Variants in GTF3C6 observed in about 807,000 individuals in gnomAD.
GTF3C6 encodes general transcription factor 3C polypeptide 6.
GTF3C6 carries 11 observed loss-of-function variants against 19.2 expected under a neutral mutation model. That is an observed-to-expected ratio of 0.57 (90% confidence interval 0.36 to 0.95). GTF3C6 has a LOEUF of 0.95. Among genes scored for constraint, GTF3C6 ranks in the 40% least tolerant of loss-of-function variants. The probability of loss-of-function intolerance (pLI) is 0.01; values close to 1 mark genes in which losing one functional copy is unlikely to be tolerated. For synonymous variants in GTF3C6, 87 were observed against 84.2 expected, an observed-to-expected ratio of 1.03 and a Z score of -0.18; for missense variants, 222 against 254.7, an observed-to-expected ratio of 0.87 and a Z score of 0.87.
rs1562357653 is a variant in GTF3C6 at position 110,959,269 on chromosome 6, T to C, written c.138+17T>C. The C allele has an allele frequency of 7.0e-7, 1 of 1,422,348 alleles. No individual in the cohort carries two copies. Among genetic ancestry groups the C allele is most frequent in the African/African-American group, 1.6e-5 (1 of 61,688 alleles). 88.1% of individuals were successfully genotyped at this position (1,422,348 alleles called of 1,614,324 possible). On this transcript the variant is annotated intron_variant, in intron 2 of 5. Coordinates refer to ENST00000329970, the MANE Select transcript of GTF3C6 (RefSeq NM_138408.4). ...AAGGTTTTGGTGAGTTTTCTAGACT[T>C]GGGGGGATTGTTCTAGAGTGTCTTA...
At chr6:110,958,862 G>A in intron 1 of GTF3C6, 36 bp downstream of exon 1, 1 of 1,541,574 alleles carries the variant, frequency 6.5e-7, no homozygotes, top group Non-Finnish European at 8.8e-7. Flanking sequence ...GCACCGCAGT[G>A]GCGGTGATGC....
intron 5 of GTF3C6, among the ~76,000 whole-genome samples, chr6:110,963,070 GC>G (rs1178010254): frequency 2.0e-5 from 3 of 152,078 alleles, no homozygotes; most frequent in Admixed American, 6.6e-5. Context: ...AGCCACCGGT[GC>G]CTGGCCACGC....
chr6:110,967,420 T>G (rs1771243135), intron 5 of GTF3C6, 90 bp from the exon 6 acceptor site: 2 of 1,154,166 alleles, frequency 1.7e-6, no homozygotes, highest in Non-Finnish European at 2.4e-6. Flanking sequence ...TGACATGTAT[T>G]CATAGGATAG....
chr6:110,963,001 T>A (rs1771184389), intron 5 of GTF3C6, among the ~76,000 whole-genome samples: 1 of 152,016 alleles, frequency 6.6e-6, no homozygotes, highest in Non-Finnish European at 1.5e-5. Flanking sequence ...ATGCTCTCAA[T>A]CTCTTGACGT....
intron 5 of GTF3C6, among the ~76,000 whole-genome samples, chr6:110,963,849 G>A (rs1422459519): frequency 6.6e-6 from 1 of 151,810 alleles, no homozygotes; most frequent in African/African-American, 2.4e-5. Context: ...TTACAGGCAT[G>A]CACCACTAGG....
At position 110,962,521 on chromosome 6, in the gene GTF3C6, C is replaced by T. The variant is rs758471617; in HGVS notation, c.361+16C>T. 1 of 1,360,842 alleles carries T rather than the reference C, an allele frequency of 7.3e-7. No individual in the cohort carries two copies. Among genetic ancestry groups the T allele is most frequent in the Admixed American group, 1.7e-5 (1 of 58,342 alleles). 84.3% of individuals were successfully genotyped at this position (1,360,842 alleles called of 1,614,324 possible). Reference sequence around the variant, plus strand: ...GAAAACATAGGTTAGTTCCATTATTCTCTGAAAACAGGTGATCCAGTACTG... The same window carrying T: ...GAAAACATAGGTTAGTTCCATTATTTTCTGAAAACAGGTGATCCAGTACTG... On this transcript the variant is annotated intron_variant, in intron 5 of 5. Transcript: ENST00000329970.
intron 4 of GTF3C6, among the ~76,000 whole-genome samples, chr6:110,960,825 C>T (rs879867079): frequency 3.0e-4 from 45 of 151,844 alleles, no homozygotes; most frequent in Admixed American, 7.2e-4. Flanking sequence ...CCAAGGCAGG[C>T]AGGTTACTTG....
At chr6:110,959,304 C>A in intron 2 of GTF3C6, 52 bp downstream of exon 2, 1 of 1,108,982 alleles carries the variant, frequency 9.0e-7, no homozygotes, top group South Asian at 1.3e-5. Context: ...AAATGTAAAA[C>A]AAGAATCAAT....
At position 110,958,771 on chromosome 6, in the gene GTF3C6, T is replaced by TGGC. The variant is rs531916846; in HGVS notation, c.14_16dup (p.Ala5dup). The TGGC allele has an allele frequency of 1.1e-3, 1,715 of 1,550,732 alleles. 9 individuals are homozygous for TGGC. Among genetic ancestry groups the TGGC allele is most frequent in the East Asian group, 6.8e-3 (278 of 40,972 alleles). On this transcript the variant is annotated inframe_insertion, in exon 1 of 6. Transcript: ENST00000329970. ...TAGAAGGCGAGGCGCCGCGGGACCA[T>TGGC]GGCGGCGGCGGCGGACGAGCGGAGT...
chr6:110,966,880 C>A (rs777560346), intron 5 of GTF3C6, among the ~76,000 whole-genome samples: 11 of 152,028 alleles, frequency 7.2e-5, no homozygotes, highest in Non-Finnish European at 1.5e-4. Context: ...AATAACCAGG[C>A]GCAGTGGGTC....
Position 110,959,191 on chromosome 6 carries a change from A to T in GTF3C6, c.77A>T (p.Glu26Val). ...EEEEEQLVLV[E>V]LSGIIDSDFL... ...CACCAGGAGCAGTTGGTTCTGGTGG[A>T]ATTATCAGGAATTATTGATTCAGAC... The change falls in exon 2 of 6, where the codon GAA becomes GTA. Residue 26 changes from glutamate to valine, a missense_variant. Coordinates refer to ENST00000329970, the MANE Select transcript of GTF3C6 (RefSeq NM_138408.4). The T allele has an allele frequency of 6.2e-7, 1 of 1,612,340 alleles. No individual in the cohort carries two copies. Among genetic ancestry groups the T allele is most frequent in the Non-Finnish European group, 8.5e-7 (1 of 1,178,470 alleles).
intron 5 of GTF3C6, among the ~76,000 whole-genome samples, chr6:110,965,926 A>G (rs969725918): frequency 7.2e-5 from 11 of 152,226 alleles, no homozygotes; most frequent in African/African-American, 2.2e-4. Context: ...CAGGTCTCTG[A>G]TAAGGTTGCA....
At chr6:110,960,734 G>A (rs1247952071) in intron 4 of GTF3C6, 118 bp downstream of exon 4, 12 of 878,454 alleles carry the variant, frequency 1.4e-5, no homozygotes, top group Admixed American at 6.1e-5. Context: ...TTTCCCAAAC[G>A]TGACTCAGAT....
chr6:110,958,767 A>C lies in GTF3C6; in HGVS notation c.-3A>C, dbSNP rs772749014. On this transcript the variant is annotated 5_prime_UTR_variant, in exon 1 of 6. Coordinates refer to ENST00000329970, the MANE Select transcript of GTF3C6 (RefSeq NM_138408.4). ...TGACTAGAAGGCGAGGCGCCGCGGGACCATGGCGGCGGCGGCGGACGAGCG... is the reference window on the plus strand; with the variant it reads ...TGACTAGAAGGCGAGGCGCCGCGGGCCCATGGCGGCGGCGGCGGACGAGCG... The C allele has an allele frequency of 1.8e-5, 28 of 1,550,776 alleles. 1 individual carries two copies. In the South Asian group the frequency reaches 3.3e-4, roughly 18 times the overall value.
chr6:110,966,056 A>G (rs186141824), intron 5 of GTF3C6, among the ~76,000 whole-genome samples: 21 of 152,318 alleles, frequency 1.4e-4, no homozygotes, highest in Admixed American at 1.3e-3. Flanking sequence ...CAGTTCCTTG[A>G]CATGTTGTCC....
intron 5 of GTF3C6, among the ~76,000 whole-genome samples, chr6:110,966,058 ATGT>A (rs1771225281): frequency 6.6e-6 from 1 of 152,208 alleles, no homozygotes; most frequent in Non-Finnish European, 1.5e-5. Context: ...GTTCCTTGAC[ATGT>A]TGTCCTCCTC....
At chr6:110,964,376 C>T (rs991064907) in intron 5 of GTF3C6, among the ~76,000 whole-genome samples, 1 of 151,882 alleles carries the variant, frequency 6.6e-6, no homozygotes, top group African/African-American at 2.4e-5. Context: ...TCCTGAGTAG[C>T]TGAGACTACA....
At chr6:110,962,969 G>A (rs1487046622) in intron 5 of GTF3C6, among the ~76,000 whole-genome samples, 3 of 152,124 alleles carry the variant, frequency 2.0e-5, no homozygotes, top group South Asian at 4.2e-4. Context: ...AGTATAGACG[G>A]GGTTTTACAG....
In GTF3C6 at chr6:110,962,352, G is replaced by A. The variant is rs1771171427; in HGVS notation, c.248-40G>A. ...AGGCTTCATCTTTGTTTTATTTGAT[G>A]GCATAAGAAGTATAATAATGTTGTT... On this transcript the variant is annotated intron_variant, in intron 4 of 5. Transcript: ENST00000329970. 3 of 1,046,016 alleles carry A rather than the reference G, an allele frequency of 2.9e-6. No homozygotes were observed. The South Asian group carries it at 3.9e-5, about 14-fold the overall frequency. The allele number at this position is 1,046,016 out of a possible 1,614,324, so 64.8% of individuals were successfully genotyped here.
Sources: gnomAD v4.1 joint callset for allele counts (sites outside exome capture counted in the v4.1 genomes callset) on GRCh38, gnomAD v4.1.1 for gene constraint, MANE v1.5 for transcripts, NCBI Gene and HGNC (gene_info 2026-07-23, HGNC 2026-07-21) for gene names.